The following SLC4A4 variants were observed in gnomAD, a reference collection of about 807,000 sequenced individuals.
SLC4A4 encodes solute carrier family 4 member 4.
Under a neutral mutation model 111.5 loss-of-function variants are expected in SLC4A4, and 27 were observed. The ratio of observed to expected loss-of-function variants is 0.24; its 90% CI spans 0.18 to 0.33. The LOEUF is 0.33. Ranked by LOEUF, SLC4A4 falls within the 10% of genes least tolerant of loss-of-function variation. The pLI is 1.00. For missense variants in SLC4A4, 909 were observed against 1,315.5 expected (o/e 0.69, Z 4.78); for synonymous variants, 443 against 463.4 (o/e 0.96, Z 0.57).
Position 71,424,070 on chromosome 4 carries a change from G to A in SLC4A4, c.808-16546G>A, listed in dbSNP as rs574007910. Among the ~76,000 whole-genome samples, 9 of 152,012 alleles carry A rather than the reference G, an allele frequency of 5.9e-5. No homozygotes were observed. The South Asian group carries it at 1.5e-3, about 25-fold the overall frequency. On this transcript the variant is annotated intron_variant, in intron 7 of 25. Coordinates refer to ENST00000264485, the MANE Select transcript of SLC4A4 (RefSeq NM_001098484.3). ...TGAACAGGCAACCCACAAAATGGGG[G>A]AAAATTTTCGCAACCTACTCTTCTG...
At chr4:71,547,172 G>T (rs548115804) in intron 19 of SLC4A4, among the ~76,000 whole-genome samples, 4 of 152,036 alleles carry the variant, frequency 2.6e-5, no homozygotes, top group Admixed American at 2.6e-4. Context: ...TACTTTTGTT[G>T]TTGTAGATTT....
At chr4:71,216,912 T>C (rs1449868710) in intron 1 of SLC4A4, among the ~76,000 whole-genome samples, 1 of 152,208 alleles carries the variant, frequency 6.6e-6, no homozygotes, top group Non-Finnish European at 1.5e-5. Context: ...AGGGTGCTTT[T>C]GTGTCTGTTA....
chr4:71,072,735 T>G (rs1410655560), intron 1 of SLC4A4, among the ~76,000 whole-genome samples: 1 of 152,030 alleles, frequency 6.6e-6, no homozygotes, highest in African/African-American at 2.4e-5. Context: ...CTTTTTTTTG[T>G]TGTTGCAATT....
At chr4:71,226,053 C>T (rs1420234343) in intron 1 of SLC4A4, among the ~76,000 whole-genome samples, 1 of 152,220 alleles carries the variant, frequency 6.6e-6, no homozygotes. Context: ...TACCTAAACA[C>T]ATTACAGAGT....
intron 3 of SLC4A4, among the ~76,000 whole-genome samples, chr4:71,275,600 A>G (rs1246444584): frequency 1.3e-5 from 2 of 152,226 alleles, no homozygotes; most frequent in African/African-American, 4.8e-5. Flanking sequence ...CTTTGAGAAT[A>G]GTAGTATCTT....
At chr4:71,510,651 T>TA (rs1263571180) in intron 16 of SLC4A4, among the ~76,000 whole-genome samples, 1 of 152,138 alleles carries the variant, frequency 6.6e-6, no homozygotes, top group East Asian at 1.9e-4. Flanking sequence ...AGTTGGATCT[T>TA]AAAAAAATAA....
chr4:71,471,840 C>G (rs1727900401), intron 13 of SLC4A4, among the ~76,000 whole-genome samples: 1 of 151,940 alleles, frequency 6.6e-6, no homozygotes, highest in Non-Finnish European at 1.5e-5. Flanking sequence ...TATTCTAAGT[C>G]TGCTGTGGGA....
intron 6 of SLC4A4, among the ~76,000 whole-genome samples, chr4:71,377,047 T>C (rs566141994): frequency 2.0e-5 from 3 of 152,248 alleles, no homozygotes; most frequent in Admixed American, 6.5e-5. Context: ...ATACGACTTA[T>C]GTTAACACGC....
chr4:71,450,383 C>A lies in SLC4A4; in HGVS notation c.1054-6C>A, dbSNP rs748577620. ...TTGGATGAGCACATCTTTTATTATT[C>A]TTTAGGTGTTCCATGACATTGCTTA... On this transcript the variant is annotated splice_region_variant and splice_polypyrimidine_tract_variant and intron_variant, in intron 9 of 25. Transcript: ENST00000264485. The A allele has an allele frequency of 6.2e-7, 1 of 1,601,322 alleles. No individual in the cohort carries two copies. Among genetic ancestry groups the A allele is most frequent in the Non-Finnish European group, 8.6e-7 (1 of 1,168,556 alleles).
At chr4:71,475,074 T>G (rs1728235366) in intron 14 of SLC4A4, among the ~76,000 whole-genome samples, 1 of 151,826 alleles carries the variant, frequency 6.6e-6, no homozygotes, top group African/African-American at 2.4e-5. Context: ...CCTTTACATT[T>G]ATTAATTTAT....
intron 2 of SLC4A4, among the ~76,000 whole-genome samples, chr4:71,130,480 C>A (rs1743672933): frequency 6.6e-6 from 1 of 152,144 alleles, no homozygotes; most frequent in Admixed American, 6.5e-5. Flanking sequence ...TCAAGCAATT[C>A]TCCCACCTCG....
At chr4:71,367,188 G>A (rs1227778742) in intron 6 of SLC4A4, among the ~76,000 whole-genome samples, 1 of 152,184 alleles carries the variant, frequency 6.6e-6, no homozygotes, top group East Asian at 1.9e-4. Flanking sequence ...AAGCTGCTGG[G>A]GAACGTTAGT....
chr4:71,117,662 G>A (rs895285878), intron 2 of SLC4A4, among the ~76,000 whole-genome samples: 1 of 152,026 alleles, frequency 6.6e-6, no homozygotes, highest in Non-Finnish European at 1.5e-5. Context: ...TTATCTTTTG[G>A]GAGATTTTCC....
intron 2 of SLC4A4, among the ~76,000 whole-genome samples, chr4:71,175,470 A>T (rs1745061213): frequency 6.6e-6 from 1 of 152,068 alleles, no homozygotes; most frequent in Non-Finnish European, 1.5e-5. Context: ...AAATTGGGTG[A>T]CTCCCACCCT....
chr4:71,270,096 G>T (rs1257383018), intron 3 of SLC4A4, among the ~76,000 whole-genome samples: 1 of 152,108 alleles, frequency 6.6e-6, no homozygotes, highest in Non-Finnish European at 1.5e-5. Flanking sequence ...ATGACCTTTG[G>T]TTGTTTTTGA....
Position 71,354,713 on chromosome 4 carries a change from A to G in SLC4A4, c.551-2295A>G, listed in dbSNP as rs978212245. On this transcript the variant is annotated intron_variant, in intron 5 of 25. Transcript: ENST00000264485. ...TTTCTCTAGAGCTTAGTTTTTAAAT[A>G]AAGAAAAATATTGTGTGACATGGGG... Among the ~76,000 whole-genome samples, 14 of 151,864 alleles carry G rather than the reference A, an allele frequency of 9.2e-5. No homozygotes were observed. The East Asian group carries it at 2.5e-3, about 27-fold the overall frequency.
At position 71,357,176 on chromosome 4, in the gene SLC4A4, A is replaced by G; in HGVS notation, c.719A>G (p.Asn240Ser). ...TVSSASRMFT[N>S]PDNGSPAMTH... Reference sequence around the variant, plus strand: ...TCCAGTGCAAGTAGGATGTTTACCAACCCTGATAATGGTAATGCAGAGGCC... The same window carrying G: ...TCCAGTGCAAGTAGGATGTTTACCAGCCCTGATAATGGTAATGCAGAGGCC... The change falls in exon 6 of 26, where the codon AAC becomes AGC. Residue 240 changes from asparagine to serine, a missense_variant. Coordinates refer to ENST00000264485, the MANE Select transcript of SLC4A4 (RefSeq NM_001098484.3). 6.2e-7 allele frequency: 1 copy of G among 1,614,050 alleles called. No homozygotes were observed. The highest frequency in any genetic ancestry group is 8.5e-7 in the Non-Finnish European group (1 of 1,179,978).
chr4:71,486,261 T>C (rs556930265), intron 14 of SLC4A4, among the ~76,000 whole-genome samples: 1 of 151,584 alleles, frequency 6.6e-6, no homozygotes, highest in African/African-American at 2.4e-5. Context: ...TTTTAAATAC[T>C]GTTTTTTAAT....
chr4:71,396,271 G>GAAAT (rs1719816964), intron 6 of SLC4A4, among the ~76,000 whole-genome samples: 1 of 152,200 alleles, frequency 6.6e-6, no homozygotes, highest in Non-Finnish European at 1.5e-5. Context: ...CTTACTTGAT[G>GAAAT]AAATGCAGCA....
Sources: gnomAD v4.1 joint callset for allele counts (sites outside exome capture counted in the v4.1 genomes callset) on GRCh38, gnomAD v4.1.1 for gene constraint, MANE v1.5 for transcripts, NCBI Gene and HGNC (gene_info 2026-07-23, HGNC 2026-07-21) for gene names.